The following EVI5 variants were observed in gnomAD, a reference collection of about 807,000 sequenced individuals.
EVI5 encodes the protein ecotropic viral integration site 5, also known as ecotropic viral integration site 5 protein homolog.
Under a neutral mutation model 112.0 loss-of-function variants are expected in EVI5, and 73 were observed. The observed-to-expected ratio is 0.65, with a 90% CI of 0.54 to 0.79. The LOEUF is 0.79. EVI5 is among the 30% of genes least tolerant of loss of function. The pLI is 0.00. For missense variants in EVI5, 900 were observed against 968.8 expected, an observed-to-expected ratio of 0.93 and a Z score of 0.94; for synonymous variants, 305 against 319.9, an observed-to-expected ratio of 0.95 and a Z score of 0.50.
chr1:92,622,156 T>C (rs928953108), intron 16 of EVI5: 2 of 190,196 alleles, frequency 1.1e-5, no homozygotes, highest in Non-Finnish European at 2.2e-5. Flanking sequence ...AATCTAAATC[T>C]AAAATATTAA....
intron 2 of EVI5, among the ~76,000 whole-genome samples, chr1:92,718,121 T>C (rs1674087072): frequency 1.3e-5 from 2 of 152,114 alleles, no homozygotes; most frequent in South Asian, 2.1e-4. Context: ...ACTGTCAATA[T>C]TAGACAGATC....
intron 9 of EVI5, among the ~76,000 whole-genome samples, chr1:92,682,180 T>C (rs1033294191): frequency 2.0e-5 from 3 of 152,156 alleles, no homozygotes; most frequent in Non-Finnish European, 4.4e-5. Flanking sequence ...TTTACTGTTA[T>C]TGTACTGTAG....
At chr1:92,550,143 T>C (rs1666542986) in intron 19 of EVI5, among the ~76,000 whole-genome samples, 1 of 152,222 alleles carries the variant, frequency 6.6e-6, no homozygotes, top group Non-Finnish European at 1.5e-5. Flanking sequence ...GTGGCACATA[T>C]ATACCATGGA....
intron 2 of EVI5, among the ~76,000 whole-genome samples, chr1:92,708,405 T>C (rs965411464): frequency 6.6e-5 from 10 of 152,046 alleles, no homozygotes; most frequent in South Asian, 2.1e-4. Flanking sequence ...AAAAAGCAAA[T>C]TGAAAACACA....
intron 14 of EVI5, among the ~76,000 whole-genome samples, chr1:92,629,093 T>G (rs987637405): frequency 2.6e-5 from 4 of 152,226 alleles, no homozygotes; most frequent in African/African-American, 4.8e-5. Context: ...AGACACAGAT[T>G]CTGCTCTAAA....
rs868157324 is a variant in EVI5, at chr1:92,591,719, G to A, written c.2070+13588C>T. On this transcript the variant is annotated intron_variant, in intron 18 of 19. Transcript: ENST00000684568. ...ACAGATCGAGACAGAAAGTTAACAA[G>A]GATATCCAGGAATTGAACTCAGCTC... Among the ~76,000 whole-genome samples the A allele has an allele frequency of 5.9e-5, 9 of 152,236 alleles. No homozygotes were observed. In the South Asian group the frequency reaches 1.9e-3, roughly 32 times the overall value.
intron 2 of EVI5, among the ~76,000 whole-genome samples, chr1:92,710,153 G>C (rs531706221): frequency 4.3e-4 from 64 of 148,256 alleles, no homozygotes; most frequent in African/African-American, 1.6e-3. Flanking sequence ...GACCAAACTG[G>C]GCAACATGGA....
intron 18 of EVI5, among the ~76,000 whole-genome samples, chr1:92,582,287 T>C (rs1301183045): frequency 6.6e-6 from 1 of 152,212 alleles, no homozygotes; most frequent in Non-Finnish European, 1.5e-5. Context: ...GGTCCATCGT[T>C]GACTGAAACA....
intron 1 of EVI5, among the ~76,000 whole-genome samples, chr1:92,753,607 A>G (rs1368399780): frequency 6.6e-6 from 1 of 152,212 alleles, no homozygotes; most frequent in East Asian, 1.9e-4. Flanking sequence ...TGTACACCAC[A>G]TCTCAATTCA....
rs768486325 is a variant in EVI5, at chr1:92,513,809, G to A, written c.2328C>T (p.His776=). The change falls in exon 20 of 20, where the codon CAC becomes CAT. Residue 776 remains histidine, a synonymous_variant. Coordinates refer to ENST00000684568, the MANE Select transcript of EVI5 (RefSeq NM_001350197.2). ...CCAAAGACATCGAACCAGATTTTCC[G>A]TGCAAAGGAAAACCAACACCAGTTT... ...LQETGVGFPL[H]GKSGSMSLDP... 48 of 1,613,278 alleles carry A rather than the reference G, an allele frequency of 3.0e-5. No homozygotes were observed. The highest frequency in any genetic ancestry group is 3.3e-4 in the Middle Eastern group (2 of 6,082).
At chr1:92,775,671 TGTC>T (rs1684024541) in intron 1 of EVI5, among the ~76,000 whole-genome samples, 1 of 152,202 alleles carries the variant, frequency 6.6e-6, no homozygotes, top group Non-Finnish European at 1.5e-5. Flanking sequence ...ACAGTGAAAT[TGTC>T]TAACAACTCA....
chr1:92,759,226 G>GA (rs1336857931), intron 1 of EVI5, among the ~76,000 whole-genome samples: 19 of 151,096 alleles, frequency 1.3e-4, no homozygotes, highest in African/African-American at 4.6e-4. Flanking sequence ...ATCTCAAAAA[G>GA]AAAAAAAAGT....
chr1:92,751,882 G>T (rs953800193), intron 1 of EVI5, among the ~76,000 whole-genome samples: 2 of 151,972 alleles, frequency 1.3e-5, no homozygotes, highest in African/African-American at 4.8e-5. Context: ...GCATGGTGGT[G>T]CACGCCTATA....
intron 13 of EVI5, among the ~76,000 whole-genome samples, chr1:92,650,709 A>G (rs1199239494): frequency 6.6e-6 from 1 of 151,870 alleles, no homozygotes; most frequent in Non-Finnish European, 1.5e-5. Flanking sequence ...CTTTTTCCTG[A>G]TTAAATAATT....
At position 92,784,979 on chromosome 1, in the gene EVI5, G is replaced by A. The variant is rs1455405698; in HGVS notation, c.-225C>T. The A allele has an allele frequency of 3.0e-6, 3 of 985,502 alleles. No individual in the cohort carries two copies. The African/African-American group carries it at 5.2e-5, about 17-fold the overall frequency. The allele number at this position is 985,502 out of a possible 1,614,324, so 61.0% of individuals were successfully genotyped here. A position where few individuals can be genotyped will look rare whatever the true frequency, so the allele number is the denominator to read the frequency against. ...TTCCCAAAAGCACCACGCTCACTCAGAAGCTCAGGGCCGCCTCGCGACCCT... is the reference window on the plus strand; with the variant it reads ...TTCCCAAAAGCACCACGCTCACTCAAAAGCTCAGGGCCGCCTCGCGACCCT... On this transcript the variant is annotated 5_prime_UTR_variant, in exon 1 of 20. Coordinates refer to ENST00000684568, the MANE Select transcript of EVI5 (RefSeq NM_001350197.2).
At position 92,652,660 on chromosome 1, in the gene EVI5, C is replaced by T. The variant is rs990444434; in HGVS notation, c.1392+10059G>A. Among the ~76,000 whole-genome samples, 5 of 152,104 alleles carry T rather than the reference C, an allele frequency of 3.3e-5. No individual in the cohort carries two copies. The East Asian group carries it at 7.7e-4, about 23-fold the overall frequency. ...ACCTAAATATCCATCAACAGACAAACGGATAAGGGAAATGTGGTGTGTATG... is the reference window on the plus strand; with the variant it reads ...ACCTAAATATCCATCAACAGACAAATGGATAAGGGAAATGTGGTGTGTATG... On this transcript the variant is annotated intron_variant, in intron 13 of 19. Coordinates refer to ENST00000684568, the MANE Select transcript of EVI5 (RefSeq NM_001350197.2).
chr1:92,642,177 G>A (rs763146525), intron 13 of EVI5, among the ~76,000 whole-genome samples: 2 of 151,948 alleles, frequency 1.3e-5, no homozygotes, highest in South Asian at 2.1e-4. Context: ...TATGATTTGC[G>A]CTCAACATCC....
chr1:92,631,292 T>A (rs146677072), intron 14 of EVI5, among the ~76,000 whole-genome samples: 3,712 of 152,264 alleles, frequency 0.024, 166 homozygotes, highest in African/African-American at 0.085. Flanking sequence ...TTTCACAATA[T>A]TGATTCTTCC....
chr1:92,696,095 C>A (rs1264816334), intron 6 of EVI5, among the ~76,000 whole-genome samples: 2 of 151,814 alleles, frequency 1.3e-5, no homozygotes, highest in African/African-American at 2.4e-5. Context: ...CATGCCCAGC[C>A]AATTTTTTTT....
Sources: allele counts gnomAD v4.1 joint callset (sites outside exome capture counted in the v4.1 genomes callset), GRCh38; gene constraint gnomAD v4.1.1; transcripts MANE v1.5; gene names NCBI Gene and HGNC (gene_info 2026-07-23, HGNC 2026-07-21).